MAST4: variants seen among roughly 807,000 people sequenced by gnomAD.
The protein encoded by MAST4 is microtubule-associated serine/threonine-protein kinase 4.
In MAST4, 89 loss-of-function variants were observed where a neutral mutation model predicts 162.7. That is an observed-to-expected ratio of 0.55 (90% confidence interval 0.46 to 0.65). The LOEUF is 0.65. MAST4 is among the 30% of genes least tolerant of loss of function. The probability of loss-of-function intolerance (pLI) is 0.00; values close to 1 mark genes in which losing one functional copy is unlikely to be tolerated. For missense variants in MAST4, 3,153 were observed against 3,374.0 expected (o/e 0.93, Z 1.62); for synonymous variants, 1,479 against 1,361.1 (o/e 1.09, Z -1.91).
intron 17 of MAST4, among the ~76,000 whole-genome samples, chr5:67,134,008 C>T (rs1305183756): frequency 6.6e-6 from 1 of 152,094 alleles, no homozygotes; most frequent in African/African-American, 2.4e-5. Flanking sequence ...GTGCTAAATC[C>T]AAGCCACGGC....
At chr5:66,687,045 G>A (rs1748704143) in intron 1 of MAST4, among the ~76,000 whole-genome samples, 1 of 152,122 alleles carries the variant, frequency 6.6e-6, no homozygotes, top group East Asian at 1.9e-4. Context: ...TCAACTAGTT[G>A]TTTGATTTTG....
chr5:66,990,642 C>CA lies in MAST4; in HGVS notation c.675-63756dup, dbSNP rs1260405046. On this transcript the variant is annotated intron_variant, in intron 4 of 28. Coordinates refer to ENST00000403625, the MANE Select transcript of MAST4 (RefSeq NM_001164664.2). ...AGACAGAAGCCTTGTCTCCCCATCA[C>CA]AAAAAAGCTATGTATTAAGTTAGTT... 5.3e-5 allele frequency among the ~76,000 whole-genome samples: 8 copies of CA among 152,008 alleles called. No individual in the cohort carries two copies. In the East Asian group the frequency reaches 9.6e-4, roughly 18 times the overall value.
chr5:67,049,023 G>GTATATATATATACACGTATATATATGTA (rs1554087410), intron 4 of MAST4, among the ~76,000 whole-genome samples: 1 of 85,662 alleles, frequency 1.2e-5, no homozygotes, highest in Non-Finnish European at 2.3e-5. Flanking sequence ...ATATATATAC[G>GTATATATATATACACGTATATATATGTA]TATATATATA....
chr5:66,981,071 A>G (rs773714721), intron 4 of MAST4, among the ~76,000 whole-genome samples: 2 of 152,120 alleles, frequency 1.3e-5, no homozygotes, highest in Non-Finnish European at 2.9e-5. Flanking sequence ...AGTATGGGAG[A>G]GATCGTTTGG....
chr5:66,993,807 T>C (rs1750302811), intron 4 of MAST4, among the ~76,000 whole-genome samples: 1 of 152,056 alleles, frequency 6.6e-6, no homozygotes, highest in Non-Finnish European at 1.5e-5. Flanking sequence ...AAAAGAGGTT[T>C]TGATATTTTT....
At position 67,050,240 on chromosome 5, in the gene MAST4, G is replaced by A. The variant is rs540885618; in HGVS notation, c.675-4164G>A. Among the ~76,000 whole-genome samples the A allele has an allele frequency of 2.0e-5, 3 of 152,246 alleles. No homozygotes were observed. The South Asian group carries it at 6.2e-4, about 32-fold the overall frequency. ...AGAAGCTCCTTGTGAAACTGTTTTC[G>A]CGATGGTAATAGTGAACTCAGGGAG... On this transcript the variant is annotated intron_variant, in intron 4 of 28. Transcript: ENST00000403625.
intron 3 of MAST4, among the ~76,000 whole-genome samples, chr5:66,816,528 C>T (rs113082473): frequency 4.6e-4 from 70 of 152,228 alleles, no homozygotes; most frequent in African/African-American, 1.5e-3. Context: ...TTATACTCTG[C>T]GAACCTGGAA....
rs1766060850 is a variant in MAST4 at position 67,110,137 on chromosome 5, AAAC to A, written c.1400_1402del (p.Gln467del). On this transcript the variant is annotated inframe_deletion, in exon 11 of 29. Coordinates refer to ENST00000403625, the MANE Select transcript of MAST4 (RefSeq NM_001164664.2). ...AGAAAGTGGAGAATTGGCATTTATT[AAAC>A]AACTAGTTCGAAAGATCCTAATTGT... 1.2e-6 allele frequency: 2 copies of A among 1,613,752 alleles called. No individual in the cohort carries two copies. The highest frequency in any genetic ancestry group is 2.2e-5 in the South Asian group (2 of 91,070).
rs115297236 is a variant in MAST4 at position 66,665,254 on chromosome 5, A to G, written c.363+68236A>G. Among the ~76,000 whole-genome samples, 553 of 152,336 alleles carry G rather than the reference A, an allele frequency of 3.6e-3. 6 individuals carry two copies. The highest frequency in any genetic ancestry group is 0.013 in the African/African-American group (525 of 41,576). Reference sequence around the variant, plus strand: ...TTTTTAGGTATTAGAGCATGCTTATATGCTGATAGGAATGATCTAGGAGGG... The same window carrying G: ...TTTTTAGGTATTAGAGCATGCTTATGTGCTGATAGGAATGATCTAGGAGGG... On this transcript the variant is annotated intron_variant, in intron 1 of 28. Coordinates refer to ENST00000403625, the MANE Select transcript of MAST4 (RefSeq NM_001164664.2).
At chr5:67,046,053 T>C (rs1294798463) in intron 4 of MAST4, among the ~76,000 whole-genome samples, 2 of 152,128 alleles carry the variant, frequency 1.3e-5, no homozygotes, top group African/African-American at 4.8e-5. Context: ...TACCATTGTG[T>C]TGCAGTTGCC....
intron 3 of MAST4, chr5:66,828,973 C>A: frequency 2.0e-6 from 2 of 1,007,624 alleles, no homozygotes; most frequent in African/African-American, 3.2e-5. Flanking sequence ...TTACTGGGCA[C>A]GAATATGTGC....
At chr5:66,984,024 G>A (rs554015500) in intron 4 of MAST4, among the ~76,000 whole-genome samples, 2 of 152,330 alleles carry the variant, frequency 1.3e-5, no homozygotes, top group Admixed American at 1.3e-4. Context: ...CAGCCAGGCT[G>A]TGTTCTAGGC....
chr5:66,657,989 T>G (rs1292449379), intron 1 of MAST4, among the ~76,000 whole-genome samples: 1 of 152,236 alleles, frequency 6.6e-6, no homozygotes, highest in Non-Finnish European at 1.5e-5. Flanking sequence ...AATAATTATA[T>G]ACAAGTTTAG....
intron 1 of MAST4, among the ~76,000 whole-genome samples, chr5:66,634,539 T>G (rs190153257): frequency 6.6e-6 from 1 of 152,360 alleles, no homozygotes; most frequent in African/African-American, 2.4e-5. Flanking sequence ...TCATCTTTTT[T>G]AAATTTTAGA....
At chr5:67,104,262 A>G (rs1228753656) in intron 9 of MAST4, 104 bp from the exon 10 acceptor site, 1 of 856,288 alleles carries the variant, frequency 1.2e-6, no homozygotes, top group Admixed American at 2.0e-5. Context: ...CCCATTTAAC[A>G]ACTTGTGGAG....
At chr5:67,008,722 T>C (rs995153589) in intron 4 of MAST4, among the ~76,000 whole-genome samples, 3 of 152,280 alleles carry the variant, frequency 2.0e-5, no homozygotes, top group African/African-American at 4.8e-5. Flanking sequence ...TGTCTTTTTC[T>C]GAGAACCAAA....
chr5:66,981,280 G>A (rs528461562), intron 4 of MAST4, among the ~76,000 whole-genome samples: 1 of 152,256 alleles, frequency 6.6e-6, no homozygotes, highest in South Asian at 2.1e-4. Flanking sequence ...TTATTTATTG[G>A]AAATTATCCG....
At chr5:66,648,772 A>C (rs62362314) in intron 1 of MAST4, among the ~76,000 whole-genome samples, 8,553 of 152,168 alleles carry the variant, frequency 0.056, 281 homozygotes, top group Middle Eastern at 0.11. Flanking sequence ...TGCGTGATTT[A>C]CCAGTGCTGC....
chr5:66,859,130 AT>A (rs1759900755), intron 3 of MAST4, among the ~76,000 whole-genome samples: 1 of 151,970 alleles, frequency 6.6e-6, no homozygotes, highest in Non-Finnish European at 1.5e-5. Flanking sequence ...TTGCTTCTTA[AT>A]TTTTCTTCTA....
Sources: gnomAD v4.1 joint callset for allele counts (sites outside exome capture counted in the v4.1 genomes callset) on GRCh38, gnomAD v4.1.1 for gene constraint, MANE v1.5 for transcripts, NCBI Gene and HGNC (gene_info 2026-07-23, HGNC 2026-07-21) for gene names.